MBD3: variants seen among roughly 807,000 people sequenced by gnomAD.
MBD3 encodes methyl-CpG binding domain protein 3.
MBD3 carries 13 observed loss-of-function variants against 31.2 expected under a neutral mutation model. That is an observed-to-expected ratio of 0.42 (90% CI 0.27 to 0.66). The LOEUF (loss-of-function observed/expected upper bound fraction) is 0.66, where lower values mean the gene tolerates loss of function less well. Ranked by LOEUF, MBD3 falls within the 30% of genes least tolerant of loss-of-function variation. MBD3 has a pLI of 0.26. For synonymous variants in MBD3, 223 were observed against 187.4 expected, an observed-to-expected ratio of 1.19 and a Z score of -1.55; for missense variants, 440 against 426.5, an observed-to-expected ratio of 1.03 and a Z score of -0.28.
In MBD3 at chr19:1,581,145, G is replaced by A. The variant is rs146464562; in HGVS notation, c.624C>T (p.Leu208=). The A allele has an allele frequency of 2.3e-3, 3,665 of 1,614,178 alleles. 7 individuals carry two copies. Among genetic ancestry groups the A allele is most frequent in the Middle Eastern group, 6.1e-3 (37 of 6,062 alleles). ...AAVEKNPGVW[L]NTTQPLCKAF... is the part of the protein sequence containing the mutation. ...CTTTGCACAGGGGCTGCGTGGTGTT[G>A]AGCCATACGCCGGGGTTCTTCTCCA... The change falls in exon 5 of 7, where the codon CTC becomes CTT. Residue 208 remains leucine (L), a synonymous_variant. Transcript: ENST00000434436.
Position 1,585,100 on chromosome 19 carries a change from G to T in MBD3, c.225C>A (p.Asn75Lys). 6.2e-7 allele frequency: 1 copy of T among 1,612,708 alleles called. No individual in the cohort carries two copies. The highest frequency in any genetic ancestry group is 1.1e-5 in the South Asian group (1 of 91,084). The change falls in exon 2 of 7, where the codon AAC becomes AAA. Residue 75 changes from asparagine to lysine, a missense_variant. This residue lies in a region of MBD3 where 179 missense variants were observed against 134.7 expected (regional missense o/e 1.33). Transcript: ENST00000434436. The surrounding 1 kb of genome is among the most constrained non-coding windows in gnomAD (Gnocchi z 4.1). The part of the protein sequence containing the change: ...RTGKMLMSKM[N>K]KSRQRVRYDS... ...CGTAGCGCACGCGCTGGCGGCTCTT[G>T]TTCATCTTGCTCATCAGCATCTTGC...
intron 5 of MBD3, among the ~76,000 whole-genome samples, chr19:1,580,615 G>A (rs1001020798): frequency 2.4e-4 from 36 of 152,340 alleles, no homozygotes; most frequent in African/African-American, 8.2e-4. Context: ...CGGCCCTGAG[G>A]CCCCGCAGGA....
intron 1 of MBD3, among the ~76,000 whole-genome samples, chr19:1,589,105 G>A (rs1375097591): frequency 6.6e-6 from 1 of 152,048 alleles, no homozygotes; most frequent in Admixed American, 6.6e-5. Context: ...GCAAAGGAGG[G>A]CCAATCACCT....
chr19:1,592,660 GC>G lies in MBD3; in HGVS notation c.-30del. 2.0e-6 allele frequency: 2 copies of G among 1,015,414 alleles called. No homozygotes were observed. The highest frequency in any genetic ancestry group is 6.8e-5 in the East Asian group (1 of 14,712). 62.9% of individuals were successfully genotyped at this position (1,015,414 alleles called of 1,614,324 possible). ...GCCCGGCTCCTCGGCCCGCCGCCGG[GC>G]CCGCCGCCGCCGCCCGGACCCCCAC... is the stretch of plus-strand genomic sequence containing the variant. On this transcript the variant is annotated 5_prime_UTR_variant, in exon 1 of 7. Coordinates refer to ENST00000434436, the MANE Select transcript of MBD3 (RefSeq NM_001281453.2).
rs1224015510 is a variant in MBD3, at chr19:1,576,842, C to T, written c.*1322G>A. 2.0e-5 allele frequency: 3 copies of T among 152,400 alleles called. No individual in the cohort carries two copies. Among genetic ancestry groups the T allele is most frequent in the Non-Finnish European group, 4.4e-5 (3 of 68,136 alleles). The allele number at this position is 152,400 out of a possible 1,614,324, so 9.4% of individuals were successfully genotyped here. A position where few individuals can be genotyped will look rare whatever the true frequency, so the allele number is the denominator to read the frequency against. On this transcript the variant is annotated 3_prime_UTR_variant, in exon 7 of 7. Transcript: ENST00000434436. ...CCCACCTGGAGCTTCCCTCGGCTGC[C>T]CTGGCCCTTGAGCCCGTCCTGAGGA...
intron 1 of MBD3, among the ~76,000 whole-genome samples, chr19:1,587,755 T>C (rs1168233194): frequency 6.6e-6 from 1 of 152,222 alleles, no homozygotes; most frequent in Non-Finnish European, 1.5e-5. Flanking sequence ...ATAGCACTTG[T>C]ATGGTGCTTA....
Position 1,581,118 on chromosome 19 carries a change from G to A in MBD3, c.651C>T (p.Ala217=), listed in dbSNP as rs760673749. ...WLNTTQPLCK[A]FMVTDEDIRK... Reference sequence around the variant, plus strand: ...TGATGTCCTCGTCGGTCACCATGAAGGCTTTGCACAGGGGCTGCGTGGTGT... The same window carrying A: ...TGATGTCCTCGTCGGTCACCATGAAAGCTTTGCACAGGGGCTGCGTGGTGT... Residue 217 remains alanine (A), a synonymous_variant, in exon 5 of 7, where the codon GCC becomes GCT. Coordinates refer to ENST00000434436, the MANE Select transcript of MBD3 (RefSeq NM_001281453.2). The A allele has an allele frequency of 5.0e-6, 8 of 1,614,106 alleles. No individual in the cohort carries two copies. In the South Asian group the frequency reaches 8.8e-5, roughly 18 times the overall value.
At position 1,578,989 on chromosome 19, in the gene MBD3, G is replaced by A. The variant is rs532493757; in HGVS notation, c.678-451C>T. The stretch of plus-strand genomic sequence containing the variant: ...ACTTGAGGTCAGGCGTTCGAGACCA[G>A]CCTGACCAACATGACGAAACCCCAT... On this transcript the variant is annotated intron_variant, in intron 5 of 6. Transcript: ENST00000434436. The surrounding 1 kb of genome is among the most constrained non-coding windows in gnomAD (Gnocchi z 6.1). Among the ~76,000 whole-genome samples, 1 of 152,100 alleles carries A rather than the reference G, an allele frequency of 6.6e-6. No homozygotes were observed. Among genetic ancestry groups the A allele is most frequent in the South Asian group, 2.1e-4 (1 of 4,820 alleles).
At chr19:1,591,454 C>T (rs916889217) in intron 1 of MBD3, among the ~76,000 whole-genome samples, 1 of 152,232 alleles carries the variant, frequency 6.6e-6, no homozygotes, top group African/African-American at 2.4e-5. Context: ...ACGGAGCGGT[C>T]GTTCTGCCCC....
At chr19:1,591,444 A>C in intron 1 of MBD3, among the ~76,000 whole-genome samples, 1 of 152,210 alleles carries the variant, frequency 6.6e-6, no homozygotes. Flanking sequence ...TGCACAGTGG[A>C]CGGAGCGGTC....
At position 1,592,750 on chromosome 19, in the gene MBD3, C is replaced by G. The variant is rs1257976874; in HGVS notation, c.-119G>C. On this transcript the variant is annotated 5_prime_UTR_variant, in exon 1 of 7. Transcript: ENST00000434436. ...GCCGCCGCCACTTGCCGCGGCTGTT[C>G]CGGCCCGCGGGCCCCCGCCCTCCGC... The G allele has an allele frequency of 1.5e-5, 3 of 201,170 alleles. No individual in the cohort carries two copies. Among genetic ancestry groups the G allele is most frequent in the African/African-American group, 2.4e-5 (1 of 41,880 alleles). The allele number at this position is 201,170 out of a possible 1,614,324, so 12.5% of individuals were successfully genotyped here.
intron 1 of MBD3, among the ~76,000 whole-genome samples, chr19:1,590,834 C>T (rs1308904744): frequency 1.3e-5 from 2 of 152,200 alleles, no homozygotes; most frequent in African/African-American, 4.8e-5. Context: ...CCTGCAGCCT[C>T]AGATGAAGGG....
chr19:1,582,726 A>G lies in MBD3; in HGVS notation c.409-14T>C, dbSNP rs1234735635. 1.6e-5 allele frequency: 25 copies of G among 1,610,540 alleles called. No individual in the cohort carries two copies. Among genetic ancestry groups the G allele is most frequent in the Non-Finnish European group, 2.1e-5 (25 of 1,178,232 alleles). ...CTCCCAGAAGAGCTGCCCCAGACAC[A>G]TATGTGAACCTCAAGAGTGGCCCTG... is the stretch of plus-strand genomic sequence containing the variant. On this transcript the variant is annotated splice_polypyrimidine_tract_variant and intron_variant, in intron 3 of 6. Coordinates refer to ENST00000434436, the MANE Select transcript of MBD3 (RefSeq NM_001281453.2).
At chr19:1,584,987 C>T (rs2060671555) in intron 2 of MBD3, 68 bp downstream of exon 2, 3 of 1,590,298 alleles carry the variant, frequency 1.9e-6, no homozygotes, top group South Asian at 2.2e-5. Context: ...GCCTGCAGCT[C>T]ACGTCATGGC....
chr19:1,588,791 A>T (rs1048131955), intron 1 of MBD3, among the ~76,000 whole-genome samples: 100 of 151,492 alleles, frequency 6.6e-4, no homozygotes, highest in Non-Finnish European at 1.3e-3. Context: ...AAAAAAAAAA[A>T]AAAAAAAAAA....
At position 1,575,267 on chromosome 19, in the gene MBD3, T is replaced by C. The variant is rs1915886842; in HGVS notation, c.*2897A>G. ...CAACATGGTGAAACCCTGTCTCTATTAAAAATACAAAAATTAGCTGGGCGT... is the reference window on the plus strand; with the variant it reads ...CAACATGGTGAAACCCTGTCTCTATCAAAAATACAAAAATTAGCTGGGCGT... On this transcript the variant is annotated 3_prime_UTR_variant, in exon 7 of 7. Transcript: ENST00000434436. 2.3e-6 allele frequency: 1 copy of C among 430,494 alleles called. No individual in the cohort carries two copies. The highest frequency in any genetic ancestry group is 2.0e-5 in the African/African-American group (1 of 49,350). 26.7% of individuals were successfully genotyped at this position (430,494 alleles called of 1,614,324 possible). A position where few individuals can be genotyped will look rare whatever the true frequency, so the allele number is the denominator to read the frequency against.
chr19:1,590,378 T>G (rs1051268133), intron 1 of MBD3, among the ~76,000 whole-genome samples: 11 of 152,214 alleles, frequency 7.2e-5, no homozygotes, highest in Non-Finnish European at 1.3e-4. Context: ...TCCCAGCACT[T>G]TGGGAGGCTG....
chr19:1,578,438 C>T lies in MBD3; in HGVS notation c.778G>A (p.Ala260Thr), dbSNP rs1917266332. Residue 260 changes from alanine to threonine, a missense_variant, in exon 6 of 7, where the codon GCG becomes ACG. This residue lies in a region of MBD3 where 117 missense variants were observed against 95.0 expected (regional missense o/e 1.23). Transcript: ENST00000434436. The surrounding 1 kb of genome is among the most constrained non-coding windows in gnomAD (Gnocchi z 6.1). Reference sequence around the variant, plus strand: ...TCAGCGCAGGCCTTGTCCAGCGGCGCCTCCCCGTCACGGGCCAGCTCCTCC... The same window carrying T: ...TCAGCGCAGGCCTTGTCCAGCGGCGTCTCCCCGTCACGGGCCAGCTCCTCC... Reference protein sequence around the residue: ...HVEELARDGEAPLDKACAEDD... With the variant: ...HVEELARDGETPLDKACAEDD... The T allele has an allele frequency of 6.2e-7, 1 of 1,606,586 alleles. No individual in the cohort carries two copies. The highest frequency in any genetic ancestry group is 8.5e-7 in the Non-Finnish European group (1 of 1,179,810).
intron 1 of MBD3, among the ~76,000 whole-genome samples, chr19:1,588,047 C>G (rs957752590): frequency 2.6e-5 from 4 of 152,236 alleles, no homozygotes; most frequent in African/African-American, 7.2e-5. Flanking sequence ...TGCTTGGTCC[C>G]ATGCTTAGCT....
Sources: allele counts gnomAD v4.1 joint callset (sites outside exome capture counted in the v4.1 genomes callset), GRCh38; gene constraint gnomAD v4.1.1; regional missense constraint gnomAD v4.1.1; non-coding constraint Gnocchi (gnomAD v3.1); transcripts MANE v1.5; gene names NCBI Gene and HGNC (gene_info 2026-07-23, HGNC 2026-07-21).